Variants in SLC71A2 observed in about 807,000 individuals in gnomAD.
The protein encoded by SLC71A2 is solute carrier family 71 member 2.
chr9:94,405,785 G>T, the SLC71A2 span, among the ~76,000 whole-genome samples: 9 of 151,830 alleles, frequency 5.9e-5, no homozygotes, highest in Non-Finnish European at 1.3e-4. Flanking sequence ...GGTCCCTTAA[G>T]ATTCTATATA....
the SLC71A2 span, among the ~76,000 whole-genome samples, chr9:94,440,700 A>T: frequency 6.6e-6 from 1 of 152,048 alleles, no homozygotes; most frequent in Non-Finnish European, 1.5e-5. Context: ...TCTGTTGGCT[A>T]CCTTTAAAAA....
chr9:94,402,804 C>T, the SLC71A2 span, among the ~76,000 whole-genome samples: 8 of 152,144 alleles, frequency 5.3e-5, no homozygotes, highest in African/African-American at 1.9e-4. Flanking sequence ...TATATTTTCT[C>T]CTAATAATCC....
chr9:94,398,541 T>G, the SLC71A2 span, among the ~76,000 whole-genome samples: 1 of 152,158 alleles, frequency 6.6e-6, no homozygotes, highest in Non-Finnish European at 1.5e-5. Context: ...TTAATCTAAA[T>G]GGGTCCAGGT....
At chr9:94,401,376 G>C in the SLC71A2 span, among the ~76,000 whole-genome samples, 1 of 152,140 alleles carries the variant, frequency 6.6e-6, no homozygotes, top group Non-Finnish European at 1.5e-5. Context: ...GTTTCACCGT[G>C]TTGGCCAGGC....
chr9:94,392,423 A>C, the SLC71A2 span, among the ~76,000 whole-genome samples: 1 of 151,954 alleles, frequency 6.6e-6, no homozygotes, highest in Non-Finnish European at 1.5e-5. Context: ...AGCTGTTGTT[A>C]AATGTGTGAT....
At chr9:94,453,806 G>A in the SLC71A2 span, 1 of 585,016 alleles carries the variant, frequency 1.7e-6, no homozygotes, top group South Asian at 2.2e-5. Context: ...CCTGTAGAAG[G>A]TCATCAGTAC....
At chr9:94,407,741 G>A in the SLC71A2 span, among the ~76,000 whole-genome samples, 14 of 152,120 alleles carry the variant, frequency 9.2e-5, no homozygotes, top group Non-Finnish European at 1.6e-4. Context: ...CCTGATCTGT[G>A]ATTTTGCTCT....
chr9:94,437,089 GGGAT>G, the SLC71A2 span, among the ~76,000 whole-genome samples: 1 of 145,572 alleles, frequency 6.9e-6, no homozygotes, highest in Non-Finnish European at 1.5e-5. Flanking sequence ...CTCCAAGTGT[GGGAT>G]GGATGTGCGT....
the SLC71A2 span, among the ~76,000 whole-genome samples, chr9:94,385,978 TC>T: frequency 4.0e-4 from 61 of 152,292 alleles, no homozygotes; most frequent in African/African-American, 1.4e-3. Flanking sequence ...AATCTTAAAC[TC>T]CTGGGCTTTT....
chr9:94,409,943 T>A, the SLC71A2 span, among the ~76,000 whole-genome samples: 43,128 of 105,186 alleles, frequency 0.41, 9,844 homozygotes, highest in Admixed American at 0.48. Context: ...TAGTTAGTGT[T>A]CAGTGTTACT....
At chr9:94,429,496 G>T in the SLC71A2 span, among the ~76,000 whole-genome samples, 3 of 151,724 alleles carry the variant, frequency 2.0e-5, no homozygotes, top group Non-Finnish European at 2.9e-5. Flanking sequence ...TTTTATTATT[G>T]TGTACACAAA....
At chr9:94,379,895 AT>A in the SLC71A2 span, among the ~76,000 whole-genome samples, 1 of 152,138 alleles carries the variant, frequency 6.6e-6, no homozygotes, top group South Asian at 2.1e-4. Context: ...GAATACATTA[AT>A]TTTTTCTTAC....
the SLC71A2 span, among the ~76,000 whole-genome samples, chr9:94,399,869 G>A: frequency 1.3e-5 from 2 of 150,824 alleles, no homozygotes; most frequent in African/African-American, 4.9e-5. Context: ...GCAATGGTGC[G>A]ATCTCGGCTC....
the SLC71A2 span, among the ~76,000 whole-genome samples, chr9:94,431,485 G>A: frequency 1.7e-3 from 260 of 149,810 alleles, 1 homozygote; most frequent in African/African-American, 6.0e-3. Context: ...TATGTAAAAC[G>A]GCATTTTATT....
the SLC71A2 span, chr9:94,460,803 A>G: frequency 2.6e-5 from 4 of 152,590 alleles, no homozygotes; most frequent in Non-Finnish European, 5.9e-5. Flanking sequence ...TACATTTAAA[A>G]GAAAATATAT....
At chr9:94,386,938 C>T in the SLC71A2 span, among the ~76,000 whole-genome samples, 1 of 151,398 alleles carries the variant, frequency 6.6e-6, no homozygotes, top group Non-Finnish European at 1.5e-5. Context: ...ACTTTTTTTT[C>T]TACTATCCAT....
chr9:94,439,870 G>A, the SLC71A2 span, among the ~76,000 whole-genome samples: 1 of 151,924 alleles, frequency 6.6e-6, no homozygotes, highest in Non-Finnish European at 1.5e-5. Context: ...GTATATTAAT[G>A]TCATCTGTAA....
At chr9:94,375,248 A>C in the SLC71A2 span, among the ~76,000 whole-genome samples, 73,855 of 150,646 alleles carry the variant, frequency 0.49, 18,396 homozygotes, top group East Asian at 0.61. Flanking sequence ...TTTCTCTCCA[A>C]GTCTACATGG....
At chr9:94,419,341 C>A in the SLC71A2 span, among the ~76,000 whole-genome samples, 2 of 147,630 alleles carry the variant, frequency 1.4e-5, no homozygotes, top group South Asian at 4.2e-4. Flanking sequence ...GTTGCCCAGG[C>A]TGGAGTGCAG....
Sources: gnomAD v4.1 joint callset for allele counts (sites outside exome capture counted in the v4.1 genomes callset) on GRCh38, gnomAD v4.1.1 for gene constraint, MANE v1.5 for transcripts, NCBI Gene and HGNC (gene_info 2026-07-23, HGNC 2026-07-21) for gene names.